KCNV2: variants seen among roughly 807,000 people sequenced by gnomAD.
KCNV2 encodes potassium voltage-gated channel subfamily V member 2.
Under a neutral mutation model 37.0 loss-of-function variants are expected in KCNV2, and 65 were observed. That is an observed-to-expected ratio of 1.76 (90% confidence interval 1.44 to 2.16). KCNV2 has a LOEUF of 2.16. Among genes scored for constraint, KCNV2 ranks in the 30% most tolerant of loss-of-function variants. The probability of loss-of-function intolerance (pLI) is 0.00; values close to 1 mark genes in which losing one functional copy is unlikely to be tolerated. For synonymous variants in KCNV2, 518 were observed against 328.6 expected (o/e 1.58, Z -6.23); for missense variants, 1,232 against 766.7 (o/e 1.61, Z -7.17).
chr9:2,729,124 A>C (rs1820019607), intron 1 of KCNV2, among the ~76,000 whole-genome samples: 1 of 152,174 alleles, frequency 6.6e-6, no homozygotes. Context: ...TCAGGTACTT[A>C]ACATACTATT....
intron 1 of KCNV2, chr9:2,720,677 A>AG (rs1819850387): frequency 6.6e-6 from 1 of 152,238 alleles, no homozygotes; most frequent in Admixed American, 6.5e-5. Context: ...CTTGAGAGTC[A>AG]AATTTCTATT....
intron 1 of KCNV2, among the ~76,000 whole-genome samples, chr9:2,723,949 G>T (rs1819926235): frequency 6.9e-6 from 1 of 145,858 alleles, no homozygotes; most frequent in Admixed American, 6.8e-5. Flanking sequence ...TGTGGGTATG[G>T]TTTTTTTCTT....
chr9:2,724,702 G>A (rs1258160005), intron 1 of KCNV2, among the ~76,000 whole-genome samples: 1 of 152,210 alleles, frequency 6.6e-6, no homozygotes, highest in Admixed American at 6.5e-5. Flanking sequence ...TGCAATTGGA[G>A]GAATGAAGGC....
rs1468937140 is a variant in KCNV2, at chr9:2,718,732, G to A, written c.993G>A (p.Ala331=). ...LASTPDLRRF[A]RSALNLVDLV... The stretch of plus-strand genomic sequence containing the variant: ...CCACGCCCGACCTGAGGCGCTTCGC[G>A]CGCAGCGCCCTCAACCTGGTGGACC... Residue 331 remains alanine, a synonymous_variant, in exon 1 of 2, where the codon GCG becomes GCA. Coordinates refer to ENST00000382082, the MANE Select transcript of KCNV2 (RefSeq NM_133497.4). 2 of 1,612,328 alleles carry A rather than the reference G, an allele frequency of 1.2e-6. No homozygotes were observed. The highest frequency in any genetic ancestry group is 1.7e-6 in the Non-Finnish European group (2 of 1,179,854).
chr9:2,718,350 A>C lies in KCNV2; in HGVS notation c.611A>C (p.Glu204Ala), dbSNP rs1819781709. 2 of 1,600,950 alleles carry C rather than the reference A, an allele frequency of 1.2e-6. No homozygotes were observed. Among genetic ancestry groups the C allele is most frequent in the African/African-American group, 2.7e-5 (2 of 74,838 alleles). The change falls in exon 1 of 2, where the codon GAG becomes GCG. Residue 204 changes from glutamate (E) to alanine (A), a missense_variant. By Grantham distance (107) the Glu-to-Ala change is moderately radical. Coordinates refer to ENST00000382082, the MANE Select transcript of KCNV2 (RefSeq NM_133497.4). ...CCACGCTGCTGCCGCATCTGCTTCG[A>C]GGAGCGGCGCGACGAGCTGAGCGAA... is the stretch of plus-strand genomic sequence containing the variant. ...YTPRCCRICFEERRDELSERL... is the reference protein window; with the variant it reads ...YTPRCCRICFAERRDELSERL...
intron 1 of KCNV2, among the ~76,000 whole-genome samples, chr9:2,725,472 G>A (rs1358139008): frequency 6.6e-6 from 1 of 152,124 alleles, no homozygotes. Context: ...GTTTAAGATC[G>A]ACACTTAGAG....
intron 1 of KCNV2, among the ~76,000 whole-genome samples, chr9:2,727,603 A>G (rs1219751873): frequency 6.6e-6 from 1 of 152,104 alleles, no homozygotes; most frequent in Non-Finnish European, 1.5e-5. Flanking sequence ...AGGGTCTGAT[A>G]AGCATAACGT....
intron 1 of KCNV2, among the ~76,000 whole-genome samples, chr9:2,720,791 TAAC>T (rs1819852613): frequency 6.6e-6 from 1 of 152,222 alleles, no homozygotes; most frequent in Non-Finnish European, 1.5e-5. Flanking sequence ...TTTTGTATAT[TAAC>T]AAATACTTTG....
Position 2,717,714 on chromosome 9 carries a change from A to G in KCNV2, c.-26A>G, listed in dbSNP as rs371069637. The G allele has an allele frequency of 2.0e-5, 33 of 1,613,950 alleles. No individual in the cohort carries two copies. Among genetic ancestry groups the G allele is most frequent in the African/African-American group, 1.2e-4 (9 of 74,904 alleles). ...GACCCCTACCACAGCCAGGAGGAAA[A>G]AGCTAGGCGTCCACTTTCCGCAGCC... On this transcript the variant is annotated 5_prime_UTR_variant, in exon 1 of 2. Coordinates refer to ENST00000382082, the MANE Select transcript of KCNV2 (RefSeq NM_133497.4).
chr9:2,718,072 C>A lies in KCNV2; in HGVS notation c.333C>A (p.Asp111Glu). Residue 111 changes from aspartate to glutamate, a missense_variant, in exon 1 of 2, where the codon GAC (aspartate) becomes GAA (glutamate). Asp to Glu is a conservative substitution (Grantham distance 45). Coordinates refer to ENST00000382082, the MANE Select transcript of KCNV2 (RefSeq NM_133497.4). Reference sequence around the variant, plus strand: ...TGGGTGGCCACAGCTACCAGCTGGACTACTGCGAGCTGGCCGGCTTCCCCA... The same window carrying A: ...TGGGTGGCCACAGCTACCAGCTGGAATACTGCGAGCTGGCCGGCTTCCCCA... ...VNVGGHSYQL[D>E]YCELAGFPKT... 6.2e-7 allele frequency: 1 copy of A among 1,603,436 alleles called. No homozygotes were observed. The highest frequency in any genetic ancestry group is 8.5e-7 in the Non-Finnish European group (1 of 1,174,630).
Position 2,718,572 on chromosome 9 carries a change from C to T in KCNV2, c.833C>T (p.Ala278Val), listed in dbSNP as rs140144634. Residue 278 changes from alanine to valine, a missense_variant, in exon 1 of 2, where the codon GCG becomes GTG. Transcript: ENST00000382082. ...GTGCTCGTCTCCGTGGTGGCGCTGG[C>T]GCTCAACACCGTGGAGGAGATGCAG... ...TFVLVSVVAL[A>V]LNTVEEMQQH... The T allele has an allele frequency of 4.2e-5, 68 of 1,612,510 alleles. No individual in the cohort carries two copies. In the African/African-American group the frequency reaches 8.3e-4, roughly 20 times the overall value.
chr9:2,727,050 C>G (rs1563799820), intron 1 of KCNV2, among the ~76,000 whole-genome samples: 1 of 152,150 alleles, frequency 6.6e-6, no homozygotes, highest in Non-Finnish European at 1.5e-5. Flanking sequence ...CTAAACTACC[C>G]CTTCCTGTCA....
chr9:2,726,498 AAG>A (rs1222930388), intron 1 of KCNV2, among the ~76,000 whole-genome samples: 2 of 152,172 alleles, frequency 1.3e-5, no homozygotes, highest in African/African-American at 4.8e-5. Flanking sequence ...CCAAAAAAAA[AAG>A]AAGTTTGGCT....
chr9:2,728,294 A>C (rs1563800261), intron 1 of KCNV2, among the ~76,000 whole-genome samples: 12 of 152,208 alleles, frequency 7.9e-5, no homozygotes, highest in Admixed American at 7.9e-4. Context: ...AACTACCCAA[A>C]TACACAAAGC....
At chr9:2,727,012 G>T (rs1056244750) in intron 1 of KCNV2, among the ~76,000 whole-genome samples, 1 of 152,016 alleles carries the variant, frequency 6.6e-6, no homozygotes, top group Non-Finnish European at 1.5e-5. Flanking sequence ...ACCGGTCCCT[G>T]GTGCCAAAGA....
intron 1 of KCNV2, among the ~76,000 whole-genome samples, chr9:2,719,977 G>A (rs1423714992): frequency 2.0e-5 from 3 of 152,214 alleles, no homozygotes; most frequent in Non-Finnish European, 4.4e-5. Context: ...TGAATCCCTG[G>A]AAATAAATGT....
At position 2,718,181 on chromosome 9, in the gene KCNV2, G is replaced by A. The variant is rs140256288; in HGVS notation, c.442G>A (p.Glu148Lys). ...LCDDYEEQTD[E>K]YFFDRDPAVF... ...CGACGACTACGAGGAGCAGACAGAC[G>A]AATACTTCTTCGACCGCGACCCGGC... is the stretch of plus-strand genomic sequence containing the variant. The change falls in exon 1 of 2, where the codon GAA becomes AAA. Residue 148 changes from glutamate to lysine, a missense_variant. Physicochemically the swap from Glu to Lys is moderately conservative, Grantham distance 56 (BLOSUM62 1). Transcript: ENST00000382082. 17 of 1,613,190 alleles carry A rather than the reference G, an allele frequency of 1.1e-5. No homozygotes were observed. The highest frequency in any genetic ancestry group is 4.0e-5 in the African/African-American group (3 of 74,932).
At chr9:2,727,777 A>T (rs1002300639) in intron 1 of KCNV2, among the ~76,000 whole-genome samples, 6 of 152,132 alleles carry the variant, frequency 3.9e-5, no homozygotes, top group African/African-American at 1.2e-4. Flanking sequence ...CAATTCCTAT[A>T]ACAACTCTGT....
rs766813964 is a variant in KCNV2 at position 2,717,874 on chromosome 9, C to T, written c.135C>T (p.Gly45=). ...CCGGCTCCCAGGCCAGCATCCACGG[C>T]TGGACAGAGGGCAACTATAACTACT... ...ARSGSQASIH[G]WTEGNYNYYI... Residue 45 remains glycine, a synonymous_variant, in exon 1 of 2, where the codon GGC becomes GGT. Transcript: ENST00000382082. 3.1e-6 allele frequency: 5 copies of T among 1,614,206 alleles called. No individual in the cohort carries two copies. In the Admixed American group the frequency reaches 8.3e-5, roughly 27 times the overall value.
Sources: gnomAD v4.1 joint callset for allele counts (sites outside exome capture counted in the v4.1 genomes callset) on GRCh38, gnomAD v4.1.1 for gene constraint, MANE v1.5 for transcripts, NCBI Gene and HGNC (gene_info 2026-07-23, HGNC 2026-07-21) for gene names.